The following LINGO2 variants were observed in gnomAD, a reference collection of about 807,000 sequenced individuals.
LINGO2 encodes the protein leucine rich repeat and Ig domain containing 2, also known as leucine-rich repeat and immunoglobulin-like domain-containing nogo receptor-interacting protein 2.
LINGO2 carries 14 observed loss-of-function variants against 30.6 expected under a neutral mutation model. The observed-to-expected ratio is 0.46, with a 90% CI of 0.30 to 0.72. The LOEUF (loss-of-function observed/expected upper bound fraction) is 0.72. Ranked by LOEUF, LINGO2 falls within the 30% of genes least tolerant of loss-of-function variation. The pLI, the probability that LINGO2 is intolerant of heterozygous loss-of-function variation, is 0.07. For synonymous variants in LINGO2, 317 were observed against 288.5 expected, an observed-to-expected ratio of 1.10 and a Z score of -1.00; for missense variants, 729 against 751.7, an observed-to-expected ratio of 0.97 and a Z score of 0.35.
chr9:29,082,726 A>C, the LINGO2 span, among the ~76,000 whole-genome samples: 4 of 152,238 alleles, frequency 2.6e-5, no homozygotes, highest in South Asian at 8.3e-4. Context: ...AACTCAAACA[A>C]ATTTACAAGA....
At chr9:28,600,252 G>A (rs2135742785) in intron 1 of LINGO2, among the ~76,000 whole-genome samples, 1 of 152,208 alleles carries the variant, frequency 6.6e-6, no homozygotes, top group Middle Eastern at 3.4e-3. Context: ...GGCTTAAAGG[G>A]ACTTCTGTTT....
chr9:28,538,489 T>C (rs1821530202), intron 1 of LINGO2, among the ~76,000 whole-genome samples: 1 of 152,118 alleles, frequency 6.6e-6, no homozygotes, highest in African/African-American at 2.4e-5. Context: ...GAATGCATAA[T>C]TTTAAATTAA....
At chr9:28,585,593 T>C (rs576170613) in intron 1 of LINGO2, among the ~76,000 whole-genome samples, 1 of 152,190 alleles carries the variant, frequency 6.6e-6, no homozygotes, top group South Asian at 2.1e-4. Context: ...AACTGTAGGC[T>C]GACGTAAGTG....
At chr9:28,689,902 A>C in the LINGO2 span, among the ~76,000 whole-genome samples, 1 of 152,192 alleles carries the variant, frequency 6.6e-6, no homozygotes, top group African/African-American at 2.4e-5. Context: ...AAAATGAATG[A>C]GATCACATCC....
At chr9:28,309,588 T>TA (rs954533419) in intron 3 of LINGO2, among the ~76,000 whole-genome samples, 54 of 148,388 alleles carry the variant, frequency 3.6e-4, no homozygotes, top group African/African-American at 4.7e-4. Context: ...ATAATAATAA[T>TA]AAAAAAAAAC....
intron 4 of LINGO2, among the ~76,000 whole-genome samples, chr9:28,283,863 G>A (rs1823412753): frequency 6.6e-6 from 1 of 151,942 alleles, no homozygotes. Flanking sequence ...TCAGGTACTG[G>A]TTACTTTTCC....
chr9:29,042,590 C>T, the LINGO2 span, among the ~76,000 whole-genome samples: 2 of 151,900 alleles, frequency 1.3e-5, no homozygotes, highest in East Asian at 3.9e-4. Flanking sequence ...TTGGGAGAAA[C>T]AAGAATATAT....
the LINGO2 span, among the ~76,000 whole-genome samples, chr9:29,106,026 A>C: frequency 3.2e-4 from 49 of 152,286 alleles, 2 homozygotes; most frequent in Non-Finnish European, 5.7e-4. Context: ...CCTGCTAAAA[A>C]CATGCCAGAA....
the LINGO2 span, among the ~76,000 whole-genome samples, chr9:28,934,289 G>C: frequency 6.6e-6 from 1 of 152,158 alleles, no homozygotes; most frequent in African/African-American, 2.4e-5. Context: ...GAACTTAAAG[G>C]CAATCTGCCC....
the LINGO2 span, among the ~76,000 whole-genome samples, chr9:28,768,921 A>T: frequency 1.3e-5 from 2 of 152,098 alleles, no homozygotes; most frequent in African/African-American, 4.8e-5. Flanking sequence ...CAGAATAATA[A>T]TACTATTACA....
intron 2 of LINGO2, among the ~76,000 whole-genome samples, chr9:28,472,550 T>C (rs1378170427): frequency 6.6e-6 from 1 of 152,076 alleles, no homozygotes; most frequent in African/African-American, 2.4e-5. Context: ...GTAATTTCCA[T>C]GCAATACAAA....
the LINGO2 span, among the ~76,000 whole-genome samples, chr9:28,971,664 C>T: frequency 9.1e-4 from 138 of 152,356 alleles, no homozygotes; most frequent in African/African-American, 3.1e-3. Context: ...AAGTTTTTGA[C>T]TCTAGTCCTT....
At chr9:28,800,573 G>A in the LINGO2 span, among the ~76,000 whole-genome samples, 9 of 152,094 alleles carry the variant, frequency 5.9e-5, no homozygotes, top group East Asian at 3.9e-4. Context: ...AGCAGTAGCC[G>A]TATCATTGGC....
chr9:28,786,367 C>G, the LINGO2 span, among the ~76,000 whole-genome samples: 4 of 152,082 alleles, frequency 2.6e-5, no homozygotes, highest in Admixed American at 6.6e-5. Context: ...GATGTAAGTT[C>G]AAAGAGTAAG....
intron 4 of LINGO2, among the ~76,000 whole-genome samples, chr9:28,058,653 T>G (rs1251721409): frequency 1.3e-5 from 2 of 152,138 alleles, no homozygotes; most frequent in African/African-American, 4.8e-5. Flanking sequence ...TTTTCTCTAA[T>G]TTCTATTATA....
the LINGO2 span, among the ~76,000 whole-genome samples, chr9:28,887,471 TA>T: frequency 8.6e-5 from 13 of 151,968 alleles, no homozygotes; most frequent in Non-Finnish European, 1.3e-4. Flanking sequence ...TTACTAATAT[TA>T]AAGAGTAATG....
chr9:28,065,037 C>T (rs1314294270), intron 4 of LINGO2, among the ~76,000 whole-genome samples: 1 of 151,414 alleles, frequency 6.6e-6, no homozygotes, highest in Non-Finnish European at 1.5e-5. Context: ...ACACATGCTG[C>T]TTGAGGACAA....
intron 1 of LINGO2, among the ~76,000 whole-genome samples, chr9:28,616,196 T>C (rs1587964813): frequency 6.6e-6 from 1 of 152,184 alleles, no homozygotes; most frequent in East Asian, 1.9e-4. Context: ...TTATAAATAT[T>C]TTTGTTCAGC....
At chr9:29,160,754 C>A in the LINGO2 span, among the ~76,000 whole-genome samples, 1 of 152,148 alleles carries the variant, frequency 6.6e-6, no homozygotes, top group Admixed American at 6.6e-5. Flanking sequence ...TTTTATAACA[C>A]AGATTCTTTG....
Sources: gnomAD v4.1 joint callset for allele counts (sites outside exome capture counted in the v4.1 genomes callset) on GRCh38, gnomAD v4.1.1 for gene constraint, MANE v1.5 for transcripts, NCBI Gene and HGNC (gene_info 2026-07-23, HGNC 2026-07-21) for gene names.